Variants in ACTR3B observed in about 807,000 individuals in gnomAD.
ACTR3B encodes actin-related protein 3B.
In ACTR3B, 8 loss-of-function variants were observed where a neutral mutation model predicts 59.0. The ratio of observed to expected loss-of-function variants is 0.14; its 90% CI spans 0.08 to 0.24. The LOEUF is 0.24. Ranked by LOEUF, ACTR3B falls within the 10% of genes least tolerant of loss-of-function variation. The pLI is 1.00. For missense variants in ACTR3B, 245 were observed against 552.3 expected (o/e 0.44, Z 5.58); for synonymous variants, 148 against 197.9 (o/e 0.75, Z 2.12).
intron 5 of ACTR3B, among the ~76,000 whole-genome samples, chr7:152,815,534 T>G (rs1795619506): frequency 1.3e-5 from 2 of 152,212 alleles, no homozygotes; most frequent in African/African-American, 2.4e-5. Flanking sequence ...GGGCTTCGTC[T>G]TCGACCAGGG....
intron 4 of ACTR3B, among the ~76,000 whole-genome samples, chr7:152,804,410 G>A (rs1472828608): frequency 6.6e-6 from 1 of 152,178 alleles, no homozygotes; most frequent in African/African-American, 2.4e-5. Context: ...TGACGAGAGC[G>A]GGGGAGTGTG....
intron 6 of ACTR3B, among the ~76,000 whole-genome samples, chr7:152,818,037 C>T (rs1460304507): frequency 1.3e-5 from 2 of 152,134 alleles, no homozygotes; most frequent in Non-Finnish European, 2.9e-5. Flanking sequence ...ACTTGAGCCC[C>T]CTTCAAGCCA....
At chr7:152,843,683 T>A (rs1798043520) in intron 9 of ACTR3B, among the ~76,000 whole-genome samples, 1 of 152,260 alleles carries the variant, frequency 6.6e-6, no homozygotes, top group Non-Finnish European at 1.5e-5. Flanking sequence ...TGCACAGTCT[T>A]ACCCTGCACT....
intron 6 of ACTR3B, 21 bp downstream of exon 6, chr7:152,816,609 A>G (rs1175122700): frequency 2.6e-6 from 4 of 1,545,756 alleles, no homozygotes; most frequent in Non-Finnish European, 1.7e-6. Context: ...TAGTTAATAT[A>G]TAAGTCTCTG....
At chr7:152,834,238 C>T (rs1590407839) in intron 9 of ACTR3B, among the ~76,000 whole-genome samples, 1 of 151,688 alleles carries the variant, frequency 6.6e-6, no homozygotes, top group South Asian at 2.1e-4. Context: ...ACTGCAGCCT[C>T]TGCCTCCTGG....
chr7:152,765,874 G>C (rs1011821383), intron 1 of ACTR3B, among the ~76,000 whole-genome samples: 7 of 152,242 alleles, frequency 4.6e-5, no homozygotes, highest in African/African-American at 1.7e-4. Flanking sequence ...CCTGCGTGCT[G>C]TGTCATCCCA....
intron 1 of ACTR3B, among the ~76,000 whole-genome samples, chr7:152,765,040 A>C (rs1045271917): frequency 2.7e-5 from 4 of 148,216 alleles, no homozygotes; most frequent in African/African-American, 7.5e-5. Flanking sequence ...GAGGACCTTG[A>C]TTGTACATTG....
At chr7:152,831,879 A>G (rs1797061405) in intron 9 of ACTR3B, among the ~76,000 whole-genome samples, 1 of 152,176 alleles carries the variant, frequency 6.6e-6, no homozygotes, top group Non-Finnish European at 1.5e-5. Flanking sequence ...TGGGGCTCCG[A>G]GGAAAGACAG....
chr7:152,792,927 G>T (rs1450335148), intron 2 of ACTR3B, among the ~76,000 whole-genome samples: 1 of 151,454 alleles, frequency 6.6e-6, no homozygotes, highest in Non-Finnish European at 1.5e-5. Flanking sequence ...TAGAATTCTG[G>T]ATGGACAGTT....
chr7:152,810,426 TTTG>T (rs1554442359), intron 4 of ACTR3B, among the ~76,000 whole-genome samples: 46 of 115,526 alleles, frequency 4.0e-4, no homozygotes, highest in Middle Eastern at 4.7e-3. Flanking sequence ...TTTTTTTTTT[TTTG>T]TTGTTGTTTT....
intron 2 of ACTR3B, among the ~76,000 whole-genome samples, chr7:152,785,026 C>T (rs185040269): frequency 4.8e-4 from 73 of 152,154 alleles, no homozygotes; most frequent in African/African-American, 1.7e-3. Context: ...CCTGATCATT[C>T]CATGCTGAGT....
At position 152,768,184 on chromosome 7, in the gene ACTR3B, C is replaced by T. The variant is rs538402250; in HGVS notation, c.44+8258C>T. 9.8e-5 allele frequency among the ~76,000 whole-genome samples: 15 copies of T among 152,354 alleles called. No individual in the cohort carries two copies. The Middle Eastern group carries it at 0.01, about 104-fold the overall frequency. ...GTTGCAGTGAGCTGAGATTGAGCCA[C>T]TGTACTCCAGCCTGGGCAACAGAGC... On this transcript the variant is annotated intron_variant, in intron 1 of 11. Transcript: ENST00000256001.
chr7:152,815,380 T>C (rs35892876), intron 5 of ACTR3B, among the ~76,000 whole-genome samples: 1 of 152,234 alleles, frequency 6.6e-6, no homozygotes, highest in Non-Finnish European at 1.5e-5. Flanking sequence ...CTTCCAAATT[T>C]ATTTAACTAC....
chr7:152,823,770 A>G (rs1162001919), intron 8 of ACTR3B, among the ~76,000 whole-genome samples: 3 of 152,206 alleles, frequency 2.0e-5, no homozygotes, highest in African/African-American at 4.8e-5. Context: ...AGATGACAAT[A>G]GAATTAAAAG....
intron 9 of ACTR3B, among the ~76,000 whole-genome samples, chr7:152,848,301 G>C (rs1798522457): frequency 6.6e-6 from 1 of 152,190 alleles, no homozygotes; most frequent in South Asian, 2.1e-4. Flanking sequence ...GACACCCCAG[G>C]CTTCCTTGGG....
intron 9 of ACTR3B, among the ~76,000 whole-genome samples, chr7:152,838,012 AAGACG>A (rs1797603437): frequency 1.3e-5 from 2 of 152,342 alleles, no homozygotes; most frequent in South Asian, 4.1e-4. Flanking sequence ...GTTGAGTGTT[AAGACG>A]AGAAAGGTTT....
intron 1 of ACTR3B, among the ~76,000 whole-genome samples, chr7:152,761,787 T>C (rs890024104): frequency 3.3e-5 from 5 of 152,158 alleles, no homozygotes; most frequent in Non-Finnish European, 5.9e-5. Flanking sequence ...CCAAAATGAT[T>C]TTTGGATTTA....
chr7:152,810,483 T>C (rs1218672764), intron 4 of ACTR3B, among the ~76,000 whole-genome samples: 1 of 150,866 alleles, frequency 6.6e-6, no homozygotes, highest in Non-Finnish European at 1.5e-5. Flanking sequence ...GTGCAGTGAC[T>C]ATTCACAGGT....
chr7:152,795,413 T>G (rs183179844), intron 2 of ACTR3B, among the ~76,000 whole-genome samples: 53 of 152,372 alleles, frequency 3.5e-4, no homozygotes, highest in Non-Finnish European at 5.7e-4. Context: ...CCAGATAATC[T>G]ACTTTTAGAA....
Sources: gnomAD v4.1 joint callset for allele counts (sites outside exome capture counted in the v4.1 genomes callset) on GRCh38, gnomAD v4.1.1 for gene constraint, MANE v1.5 for transcripts, NCBI Gene and HGNC (gene_info 2026-07-23, HGNC 2026-07-21) for gene names.